EI24: variants seen among roughly 807,000 people sequenced by gnomAD.
EI24 encodes etoposide-induced protein 2.4 homolog.
EI24 carries 21 observed loss-of-function variants against 48.6 expected under a neutral mutation model. That is an observed-to-expected ratio of 0.43 (90% CI 0.31 to 0.62). EI24 has a LOEUF of 0.62. EI24 is among the 20% of genes least tolerant of loss of function. The probability of loss-of-function intolerance (pLI) is 0.10; values close to 1 mark genes in which losing one functional copy is unlikely to be tolerated. For missense variants in EI24, 280 were observed against 410.5 expected, an observed-to-expected ratio of 0.68 and a Z score of 2.75; for synonymous variants, 114 against 145.5, an observed-to-expected ratio of 0.78 and a Z score of 1.56.
chr11:125,575,724 T>A (rs1311573411), intron 3 of EI24: 6 of 233,424 alleles, frequency 2.6e-5, no homozygotes, highest in South Asian at 2.0e-4. Flanking sequence ...ATCTTTTCCA[T>A]CATCAGACTT....
chr11:125,580,567 G>C (rs1435713001), intron 8 of EI24, among the ~76,000 whole-genome samples: 1 of 152,108 alleles, frequency 6.6e-6, no homozygotes, highest in African/African-American at 2.4e-5. Flanking sequence ...GGGTGTGCGT[G>C]GTTGAAAGAG....
Position 125,580,220 on chromosome 11 carries a change from G to C in EI24, c.673+16G>C, listed in dbSNP as rs750049303. 3 of 1,572,490 alleles carry C rather than the reference G, an allele frequency of 1.9e-6. No individual in the cohort carries two copies. In the South Asian group the frequency reaches 3.3e-5, roughly 17 times the overall value. On this transcript the variant is annotated intron_variant, in intron 8 of 10. Transcript: ENST00000278903. ...TTCAATAAAGGTAAGTCCATCTAAA[G>C]AAATCCAGAAAATGGAGGCCCAGTT...
intron 2 of EI24, chr11:125,573,668 C>G (rs1591353789): frequency 1.4e-5 from 2 of 146,918 alleles, no homozygotes; most frequent in African/African-American, 2.6e-5. Context: ...AGACTTTATG[C>G]ATATGATCTC....
chr11:125,578,058 C>T (rs545799656), intron 5 of EI24, 75 bp from the exon 6 acceptor site: 457 of 1,569,704 alleles, frequency 2.9e-4, no homozygotes, highest in Non-Finnish European at 3.9e-4. Context: ...AGAATAGTCA[C>T]GAGATGGGGG....
At position 125,584,358 on chromosome 11, in the gene EI24, AT is replaced by A. The variant is rs1939148266; in HGVS notation, c.*679del. ...TCTTCCCCTTGAAGGGGAAAAAGCT[AT>A]TTTCATTGGTACATTTAAAGTCCCC... is the stretch of plus-strand genomic sequence containing the variant. On this transcript the variant is annotated 3_prime_UTR_variant, in exon 11 of 11. Coordinates refer to ENST00000278903, the MANE Select transcript of EI24 (RefSeq NM_004879.5). 6.6e-6 allele frequency: 1 copy of A among 150,516 alleles called. No homozygotes were observed. Among genetic ancestry groups the A allele is most frequent in the African/African-American group, 2.5e-5 (1 of 40,728 alleles). 9.3% of individuals were successfully genotyped at this position (150,516 alleles called of 1,614,324 possible).
chr11:125,580,387 G>A (rs1938944012), intron 8 of EI24, among the ~76,000 whole-genome samples, 183 bp downstream of exon 8: 1 of 152,182 alleles, frequency 6.6e-6, no homozygotes, highest in South Asian at 2.1e-4. Flanking sequence ...TTGAGGCTGG[G>A]GGATGTGGTA....
At chr11:125,575,109 CAT>C (rs1938685406) in intron 2 of EI24, 152 bp from the exon 3 acceptor site, 1 of 541,708 alleles carries the variant, frequency 1.8e-6, no homozygotes, top group South Asian at 2.2e-5. Context: ...CATCTGTACT[CAT>C]AGCTCTTTGG....
Position 125,583,777 on chromosome 11 carries a change from C to G in EI24, c.*94C>G, listed in dbSNP as rs1250745160. On this transcript the variant is annotated 3_prime_UTR_variant, in exon 11 of 11. Coordinates refer to ENST00000278903, the MANE Select transcript of EI24 (RefSeq NM_004879.5). ...TCCCGCCTGCCAGGGAAGGCAGGAC[C>G]CGCTCTGCCAAGGGCCCTCTGCGTA... is the stretch of plus-strand genomic sequence containing the variant. 2.6e-6 allele frequency: 4 copies of G among 1,522,006 alleles called. No individual in the cohort carries two copies. The highest frequency in any genetic ancestry group is 3.6e-6 in the Non-Finnish European group (4 of 1,121,200). The allele number at this position is 1,522,006 out of a possible 1,614,324, so 94.3% of individuals were successfully genotyped here. A position where few individuals can be genotyped will look rare whatever the true frequency, so the allele number is the denominator to read the frequency against.
In EI24 at chr11:125,570,819, T is replaced by C. The variant is rs575781424; in HGVS notation, c.-71+1246T>C. Among the ~76,000 whole-genome samples, 4 of 152,218 alleles carry C rather than the reference T, an allele frequency of 2.6e-5. No homozygotes were observed. In the South Asian group the frequency reaches 6.2e-4, roughly 24 times the overall value. ...GGTTACGGGAGTGGATCTGTGAGTC[T>C]TTACAAACTAGTGTCGTGCATATCA... On this transcript the variant is annotated intron_variant, in intron 1 of 10. Coordinates refer to ENST00000278903, the MANE Select transcript of EI24 (RefSeq NM_004879.5).
At chr11:125,578,887 A>G in intron 6 of EI24, 62 bp from the exon 7 acceptor site, 1 of 1,524,598 alleles carries the variant, frequency 6.6e-7, no homozygotes, top group Non-Finnish European at 8.8e-7. Flanking sequence ...TAGTGGCCTT[A>G]GCTTTGGGGA....
intron 7 of EI24, 115 bp from the exon 8 acceptor site, chr11:125,579,978 T>C: frequency 3.5e-6 from 3 of 852,936 alleles, no homozygotes; most frequent in Non-Finnish European, 5.9e-6. Context: ...CTCGGCCTTT[T>C]AGAAACTTGA....
intron 10 of EI24, 79 bp downstream of exon 10, chr11:125,582,499 TAA>T: frequency 1.7e-5 from 16 of 938,560 alleles, no homozygotes; most frequent in South Asian, 3.8e-5. Context: ...TGAGGCTTTT[TAA>T]AAAAAAAAAT....
chr11:125,583,085 C>A (rs970231925), intron 10 of EI24, among the ~76,000 whole-genome samples: 1 of 152,146 alleles, frequency 6.6e-6, no homozygotes, highest in Non-Finnish European at 1.5e-5. Context: ...ACATTCATGG[C>A]AGCAGCAGGG....
intron 4 of EI24, 134 bp from the exon 5 acceptor site, chr11:125,577,370 T>C: frequency 1.3e-6 from 1 of 788,514 alleles, no homozygotes; most frequent in Non-Finnish European, 2.1e-6. Flanking sequence ...CCACCGCGCA[T>C]GAGCCACCGC....
Position 125,578,128 on chromosome 11 carries a change from C to G in EI24, c.317-5C>G. On this transcript the variant is annotated splice_polypyrimidine_tract_variant and splice_region_variant and intron_variant, in intron 5 of 10. Coordinates refer to ENST00000278903, the MANE Select transcript of EI24 (RefSeq NM_004879.5). ...ATTTCTAGTAACTCGTTTCCTCTTT[C>G]TTAGGTGACCCATCACTACATGGAG... 6.2e-7 allele frequency: 1 copy of G among 1,612,942 alleles called. No individual in the cohort carries two copies. Among genetic ancestry groups the G allele is most frequent in the South Asian group, 1.1e-5 (1 of 91,022 alleles).
chr11:125,584,656 CAATT>C lies in EI24; in HGVS notation c.*976_*979del, dbSNP rs1354977648. On this transcript the variant is annotated 3_prime_UTR_variant, in exon 11 of 11. Transcript: ENST00000278903. ...ATACCTGTACAATTTTAAAATGTCACAATTAAACATGAGCTGGTTTCCCACAAAG... is the reference window on the plus strand; with the variant it reads ...ATACCTGTACAATTTTAAAATGTCACAAACATGAGCTGGTTTCCCACAAAG... 6.6e-6 allele frequency: 1 copy of C among 152,266 alleles called. No homozygotes were observed. The highest frequency in any genetic ancestry group is 1.9e-4 in the East Asian group (1 of 5,192). The allele number at this position is 152,266 out of a possible 1,614,324, so 9.4% of individuals were successfully genotyped here. A position where few individuals can be genotyped will look rare whatever the true frequency, so the allele number is the denominator to read the frequency against.
intron 10 of EI24, among the ~76,000 whole-genome samples, chr11:125,582,760 A>G (rs1211353300): frequency 6.6e-6 from 1 of 152,216 alleles, no homozygotes; most frequent in East Asian, 1.9e-4. Flanking sequence ...TATTACTTCA[A>G]AGAAAAGCTC....
At chr11:125,573,229 C>T (rs1025561417) in intron 2 of EI24, among the ~76,000 whole-genome samples, 2 of 152,132 alleles carry the variant, frequency 1.3e-5, no homozygotes, top group African/African-American at 4.8e-5. Flanking sequence ...CCCCATTCTA[C>T]AAGCTGTGCA....
At chr11:125,572,222 G>A (rs947800613) in intron 1 of EI24, among the ~76,000 whole-genome samples, 2 of 152,056 alleles carry the variant, frequency 1.3e-5, no homozygotes, top group Non-Finnish European at 2.9e-5. Flanking sequence ...ATGAGAGGGT[G>A]TAAAATGTAA....
Sources: gnomAD v4.1 joint callset for allele counts (sites outside exome capture counted in the v4.1 genomes callset) on GRCh38, gnomAD v4.1.1 for gene constraint, MANE v1.5 for transcripts, NCBI Gene and HGNC (gene_info 2026-07-23, HGNC 2026-07-21) for gene names.